MACROD2: variants seen among roughly 807,000 people sequenced by gnomAD.
MACROD2 encodes the protein ADP-ribose glycohydrolase MACROD2.
Under a neutral mutation model 70.4 loss-of-function variants are expected in MACROD2, and 36 were observed. The ratio of observed to expected loss-of-function variants is 0.51; its 90% CI spans 0.39 to 0.68. MACROD2 has a LOEUF of 0.68. Ranked by LOEUF, MACROD2 falls within the 30% of genes least tolerant of loss-of-function variation. The probability of loss-of-function intolerance (pLI) is 0.00; values close to 1 mark genes in which losing one functional copy is unlikely to be tolerated. For missense variants in MACROD2, 496 were observed against 538.4 expected (o/e 0.92, Z 0.78); for synonymous variants, 172 against 178.8 (o/e 0.96, Z 0.30).
At chr20:15,050,317 A>G (rs2075429075) in intron 5 of MACROD2, among the ~76,000 whole-genome samples, 1 of 152,198 alleles carries the variant, frequency 6.6e-6, no homozygotes, top group South Asian at 2.1e-4. Flanking sequence ...ACATTGGTGT[A>G]AAAGCAAATA....
At chr20:15,227,823 G>GTTTTGTTTT (rs2076920880) in intron 5 of MACROD2, among the ~76,000 whole-genome samples, 1 of 46,092 alleles carries the variant, frequency 2.2e-5, no homozygotes. Flanking sequence ...AATTTCACCT[G>GTTTTGTTTT]TTTTTTTTTT....
At chr20:16,049,236 C>T (rs2067425012) in intron 17 of MACROD2, among the ~76,000 whole-genome samples, 1 of 151,626 alleles carries the variant, frequency 6.6e-6, no homozygotes, top group Non-Finnish European at 1.5e-5. Flanking sequence ...ATGCATTTTT[C>T]AAAACAGATT....
At chr20:15,695,826 T>C (rs1419395004) in intron 8 of MACROD2, among the ~76,000 whole-genome samples, 1 of 152,182 alleles carries the variant, frequency 6.6e-6, no homozygotes, top group African/African-American at 2.4e-5. Flanking sequence ...GTTGAGTTCT[T>C]GATTTGATTC....
intron 8 of MACROD2, among the ~76,000 whole-genome samples, chr20:15,585,116 C>T (rs1432194386): frequency 4.6e-5 from 7 of 152,242 alleles, no homozygotes; most frequent in Admixed American, 1.3e-4. Context: ...GGTCCCCCTA[C>T]CCCCTTTGAT....
At chr20:15,554,914 T>C (rs2048145944) in intron 8 of MACROD2, among the ~76,000 whole-genome samples, 1 of 152,250 alleles carries the variant, frequency 6.6e-6, no homozygotes, top group Admixed American at 6.5e-5. Flanking sequence ...GCTATGTTCA[T>C]AGCCTTATCT....
intron 8 of MACROD2, among the ~76,000 whole-genome samples, chr20:15,823,215 C>G (rs1264367683): frequency 1.3e-5 from 2 of 151,506 alleles, no homozygotes; most frequent in African/African-American, 4.9e-5. Flanking sequence ...CTGCACTTTT[C>G]AAATCAAGCA....
chr20:14,664,751 A>G (rs1339644092), intron 4 of MACROD2, among the ~76,000 whole-genome samples: 1 of 152,116 alleles, frequency 6.6e-6, no homozygotes, highest in African/African-American at 2.4e-5. Flanking sequence ...AGTGCCTTAC[A>G]TTCTTGATCC....
intron 6 of MACROD2, among the ~76,000 whole-genome samples, chr20:15,318,546 T>A (rs571766029): frequency 1.7e-4 from 26 of 152,086 alleles, no homozygotes; most frequent in Non-Finnish European, 3.2e-4. Context: ...CCAAAATCCC[T>A]TATGATTATA....
chr20:15,904,854 C>T (rs1188243067), intron 10 of MACROD2, among the ~76,000 whole-genome samples: 2 of 142,882 alleles, frequency 1.4e-5, no homozygotes, highest in Non-Finnish European at 3.0e-5. Context: ...GCACTCCAGC[C>T]TGCGCGAAAG....
At chr20:14,267,558 T>C (rs1328210893) in intron 3 of MACROD2, among the ~76,000 whole-genome samples, 3 of 152,238 alleles carry the variant, frequency 2.0e-5, no homozygotes, top group South Asian at 2.1e-4. Context: ...GGCTTAGAGA[T>C]AGGGTGAACA....
intron 12 of MACROD2, among the ~76,000 whole-genome samples, chr20:15,955,818 T>C (rs537760646): frequency 2.0e-5 from 3 of 152,300 alleles, no homozygotes; most frequent in Admixed American, 2.0e-4. Flanking sequence ...AAATTATTGA[T>C]ACATGCATCA....
At chr20:15,519,325 C>T (rs189415882) in intron 8 of MACROD2, among the ~76,000 whole-genome samples, 23 of 151,954 alleles carry the variant, frequency 1.5e-4, no homozygotes, top group Admixed American at 3.9e-4. Context: ...AGGGTTTCAC[C>T]GTGTTAGCCA....
At chr20:15,890,941 A>G (rs1007520087) in intron 10 of MACROD2, among the ~76,000 whole-genome samples, 1 of 152,172 alleles carries the variant, frequency 6.6e-6, no homozygotes, top group Non-Finnish European at 1.5e-5. Flanking sequence ...TTCTCAAGGC[A>G]CTGCTAGGCA....
intron 8 of MACROD2, among the ~76,000 whole-genome samples, chr20:15,669,807 A>T (rs1290169826): frequency 6.6e-6 from 1 of 152,210 alleles, no homozygotes; most frequent in Non-Finnish European, 1.5e-5. Flanking sequence ...TAGAGTTTAG[A>T]ACCAGGGGCA....
intron 8 of MACROD2, among the ~76,000 whole-genome samples, chr20:15,743,142 G>T (rs1034741216): frequency 5.3e-5 from 8 of 152,164 alleles, no homozygotes; most frequent in African/African-American, 1.7e-4. Flanking sequence ...CTGCAAGGCT[G>T]GGCTGGCTGA....
intron 3 of MACROD2, among the ~76,000 whole-genome samples, chr20:14,119,494 C>T (rs573399032): frequency 3.6e-4 from 55 of 152,136 alleles, no homozygotes; most frequent in African/African-American, 1.2e-3. Flanking sequence ...AACACCCATC[C>T]ACATTATTGG....
chr20:16,004,568 T>G (rs146430863), intron 15 of MACROD2, among the ~76,000 whole-genome samples: 56 of 152,276 alleles, frequency 3.7e-4, no homozygotes, highest in Non-Finnish European at 6.6e-4. Context: ...AAAGGTAGTT[T>G]TATTTAGCAG....
chr20:14,244,545 A>G (rs770880181), intron 3 of MACROD2, among the ~76,000 whole-genome samples: 2 of 152,216 alleles, frequency 1.3e-5, no homozygotes, highest in Non-Finnish European at 2.9e-5. Flanking sequence ...ATGAAGATCC[A>G]TAGCAGCCCA....
chr20:14,884,495 GC>G (rs1457677907), intron 5 of MACROD2: 1 of 152,126 alleles, frequency 6.6e-6, no homozygotes, highest in African/African-American at 2.4e-5. Context: ...GCTAGAAACT[GC>G]CACTCTTTTT....
Sources: gnomAD v4.1 joint callset for allele counts (sites outside exome capture counted in the v4.1 genomes callset) on GRCh38, gnomAD v4.1.1 for gene constraint, MANE v1.5 for transcripts, NCBI Gene and HGNC (gene_info 2026-07-23, HGNC 2026-07-21) for gene names.